PTGFR: variants seen among roughly 807,000 people sequenced by gnomAD.
PTGFR encodes the protein prostaglandin F receptor.
PTGFR carries 15 observed loss-of-function variants against 26.2 expected under a neutral mutation model. That is an observed-to-expected ratio of 0.57 (90% CI 0.38 to 0.88). PTGFR has a LOEUF of 0.88. PTGFR is among the 40% of genes least tolerant of loss of function. The pLI is 0.00. For synonymous variants in PTGFR, 165 were observed against 151.1 expected (o/e 1.09, Z -0.68); for missense variants, 369 against 427.2 (o/e 0.86, Z 1.20).
intron 2 of PTGFR, among the ~76,000 whole-genome samples, chr1:78,531,282 C>T (rs1045721139): frequency 1.3e-5 from 2 of 152,150 alleles, no homozygotes; most frequent in Admixed American, 1.3e-4. Context: ...TAAACAAGAG[C>T]AAGTCCTCTA....
chr1:78,531,231 C>T (rs1370884640), intron 2 of PTGFR, among the ~76,000 whole-genome samples: 1 of 152,172 alleles, frequency 6.6e-6, no homozygotes, highest in African/African-American at 2.4e-5. Context: ...AGTGAACTAA[C>T]AACCTATTGT....
At chr1:78,494,788 T>G (rs972091654) in intron 2 of PTGFR, among the ~76,000 whole-genome samples, 3 of 152,186 alleles carry the variant, frequency 2.0e-5, no homozygotes, top group African/African-American at 4.8e-5. Context: ...GTATTTTTAG[T>G]AGAGACGGGT....
rs1417458384 is a variant in PTGFR at position 78,539,378 on chromosome 1, T to A, written c.*2691T>A. 6.6e-6 allele frequency: 1 copy of A among 152,264 alleles called. No homozygotes were observed. Among genetic ancestry groups the A allele is most frequent in the Non-Finnish European group, 1.5e-5 (1 of 67,996 alleles). 9.4% of individuals were successfully genotyped at this position (152,264 alleles called of 1,614,324 possible). ...TGTTAAATATAGAGTGTACTTTTTGTTAAAACTATTGCTAGCTTCACCTGT... is the reference window on the plus strand; with the variant it reads ...TGTTAAATATAGAGTGTACTTTTTGATAAAACTATTGCTAGCTTCACCTGT... On this transcript the variant is annotated 3_prime_UTR_variant, in exon 3 of 3. Coordinates refer to ENST00000370757, the MANE Select transcript of PTGFR (RefSeq NM_000959.4).
At chr1:78,500,066 T>G (rs1649664444) in intron 2 of PTGFR, among the ~76,000 whole-genome samples, 1 of 152,094 alleles carries the variant, frequency 6.6e-6, no homozygotes, top group South Asian at 2.1e-4. Flanking sequence ...AATGTATTTT[T>G]TTTTTGGTAT....
At chr1:78,504,513 C>T (rs1257854349) in intron 2 of PTGFR, among the ~76,000 whole-genome samples, 1 of 151,896 alleles carries the variant, frequency 6.6e-6, no homozygotes, top group East Asian at 1.9e-4. Flanking sequence ...ATTATAAAAG[C>T]AGTTGTTTGT....
intron 2 of PTGFR, among the ~76,000 whole-genome samples, chr1:78,526,199 G>A (rs1182802301): frequency 6.6e-6 from 1 of 151,994 alleles, no homozygotes; most frequent in Non-Finnish European, 1.5e-5. Context: ...TTATTTTAAA[G>A]TGGTCTCCTA....
intron 2 of PTGFR, among the ~76,000 whole-genome samples, chr1:78,521,465 A>G (rs1042624716): frequency 1.3e-5 from 2 of 152,116 alleles, no homozygotes; most frequent in African/African-American, 2.4e-5. Context: ...CTTACTAACA[A>G]AGTTATGTGT....
chr1:78,498,017 T>G, intron 2 of PTGFR: 3 of 1,146,582 alleles, frequency 2.6e-6, no homozygotes, highest in Non-Finnish European at 3.8e-6. Flanking sequence ...GTTACTCTTA[T>G]GCTAATATTT....
At chr1:78,532,209 A>G (rs1414305554) in intron 2 of PTGFR, 1 of 407,232 alleles carries the variant, frequency 2.5e-6, no homozygotes, top group Non-Finnish European at 4.8e-6. Context: ...GTTTGCTTTT[A>G]AAGCGATAAG....
chr1:78,500,685 A>G (rs886524033), intron 2 of PTGFR, among the ~76,000 whole-genome samples: 1 of 152,198 alleles, frequency 6.6e-6, no homozygotes, highest in African/African-American at 2.4e-5. Context: ...TTGCCTCCAG[A>G]GCCTACCTTA....
chr1:78,540,645 G>A lies in PTGFR; in HGVS notation c.*3958G>A, dbSNP rs1012519493. On this transcript the variant is annotated 3_prime_UTR_variant, in exon 3 of 3. Coordinates refer to ENST00000370757, the MANE Select transcript of PTGFR (RefSeq NM_000959.4). ...ACATTTCTGTATAATACCAAGCATTGTTGCAGTATTGTCTGAAATGGTTGC... is the reference window on the plus strand; with the variant it reads ...ACATTTCTGTATAATACCAAGCATTATTGCAGTATTGTCTGAAATGGTTGC... Among the ~76,000 whole-genome samples, 1 of 152,110 alleles carries A rather than the reference G, an allele frequency of 6.6e-6. No individual in the cohort carries two copies. The highest frequency in any genetic ancestry group is 1.5e-5 in the Non-Finnish European group (1 of 67,998).
chr1:78,503,201 T>A (rs1009541380), intron 2 of PTGFR, among the ~76,000 whole-genome samples: 41 of 151,546 alleles, frequency 2.7e-4, no homozygotes, highest in African/African-American at 1.0e-3. Flanking sequence ...TAAATTAAAA[T>A]TTTTCAAGTA....
intron 2 of PTGFR, among the ~76,000 whole-genome samples, chr1:78,513,186 G>A (rs1469188572): frequency 1.3e-5 from 2 of 152,292 alleles, no homozygotes; most frequent in East Asian, 1.9e-4. Context: ...AATGGGCAGA[G>A]GTTGGAAGAA....
At chr1:78,505,020 A>G (rs907332029) in intron 2 of PTGFR, among the ~76,000 whole-genome samples, 1 of 151,940 alleles carries the variant, frequency 6.6e-6, no homozygotes. Context: ...ATCACAATCT[A>G]TCTTATTATC....
intron 2 of PTGFR, among the ~76,000 whole-genome samples, chr1:78,513,274 A>G (rs1175810090): frequency 6.6e-6 from 1 of 151,214 alleles, no homozygotes; most frequent in East Asian, 1.9e-4. Context: ...GGTTGTGACC[A>G]AAATGCTGAT....
At chr1:78,494,780 A>G (rs1649504493) in intron 2 of PTGFR, among the ~76,000 whole-genome samples, 1 of 152,050 alleles carries the variant, frequency 6.6e-6, no homozygotes, top group Non-Finnish European at 1.5e-5. Context: ...TAATTTTTGT[A>G]TTTTTAGTAG....
intron 2 of PTGFR, among the ~76,000 whole-genome samples, chr1:78,520,839 A>T (rs375527377): frequency 1.3e-5 from 2 of 152,016 alleles, no homozygotes; most frequent in East Asian, 3.9e-4. Context: ...TATATGCTTT[A>T]ATTGCTGTTT....
intron 2 of PTGFR, among the ~76,000 whole-genome samples, chr1:78,528,426 G>A (rs982146504): frequency 4.0e-5 from 6 of 150,994 alleles, no homozygotes; most frequent in Non-Finnish European, 8.8e-5. Context: ...GGATCATCAG[G>A]AAGGGCTGAT....
At chr1:78,527,851 C>T (rs1650408597) in intron 2 of PTGFR, among the ~76,000 whole-genome samples, 2 of 152,030 alleles carry the variant, frequency 1.3e-5, no homozygotes, top group African/African-American at 4.8e-5. Flanking sequence ...TACTGAATGC[C>T]AGTATGTACC....
Sources: gnomAD v4.1 joint callset for allele counts (sites outside exome capture counted in the v4.1 genomes callset) on GRCh38, gnomAD v4.1.1 for gene constraint, MANE v1.5 for transcripts, NCBI Gene and HGNC (gene_info 2026-07-23, HGNC 2026-07-21) for gene names.